Variants in TSPAN15 observed in about 807,000 individuals in gnomAD.
The protein encoded by TSPAN15 is tetraspanin 15.
In TSPAN15, 20 loss-of-function variants were observed where a neutral mutation model predicts 34.5. The observed-to-expected ratio is 0.58, with a 90% CI of 0.41 to 0.84. The LOEUF (loss-of-function observed/expected upper bound fraction) is 0.84. Among genes scored for constraint, TSPAN15 ranks in the 40% least tolerant of loss-of-function variants. The pLI, the probability that TSPAN15 is intolerant of heterozygous loss-of-function variation, is 0.00. For synonymous variants in TSPAN15, 155 were observed against 153.9 expected (o/e 1.01, Z -0.05); for missense variants, 313 against 386.1 (o/e 0.81, Z 1.59).
intron 1 of TSPAN15, among the ~76,000 whole-genome samples, chr10:69,460,365 C>T (rs1189952144): frequency 6.6e-6 from 1 of 152,180 alleles, no homozygotes; most frequent in Non-Finnish European, 1.5e-5. Context: ...TTGTTCAGCT[C>T]CAAGCTAGGC....
At chr10:69,546,667 A>G in the TSPAN15 span, among the ~76,000 whole-genome samples, 1 of 152,092 alleles carries the variant, frequency 6.6e-6, no homozygotes, top group Non-Finnish European at 1.5e-5. Context: ...CCCAACATCC[A>G]ATCACCAAGG....
At chr10:69,458,772 G>A (rs1033723096) in intron 1 of TSPAN15, among the ~76,000 whole-genome samples, 1 of 152,196 alleles carries the variant, frequency 6.6e-6, no homozygotes, top group African/African-American at 2.4e-5. Flanking sequence ...TTATAGATGA[G>A]CAAACTAAGG....
chr10:69,528,078 T>C, the TSPAN15 span, among the ~76,000 whole-genome samples: 2 of 147,840 alleles, frequency 1.4e-5, 1 homozygote, highest in Non-Finnish European at 3.0e-5. Flanking sequence ...TCCGCCCGGA[T>C]CCCATGCCTA....
Position 69,506,731 on chromosome 10 carries a change from C to A in TSPAN15, c.736-98C>A. 1 of 1,265,462 alleles carries A rather than the reference C, an allele frequency of 7.9e-7. No individual in the cohort carries two copies. Among genetic ancestry groups the A allele is most frequent in the Non-Finnish European group, 1.1e-6 (1 of 898,044 alleles). The allele number at this position is 1,265,462 out of a possible 1,614,324, so 78.4% of individuals were successfully genotyped here. On this transcript the variant is annotated intron_variant, in intron 7 of 7. Coordinates refer to ENST00000373290, the MANE Select transcript of TSPAN15 (RefSeq NM_012339.5). The surrounding 1 kb of genome is among the most constrained non-coding windows in gnomAD (Gnocchi z 4.7). ...CCCAGGTCACACAGGACCATGAGGGCTTGGGACTGGCTGCTTGGGTTTCTG... is the reference window on the plus strand; with the variant it reads ...CCCAGGTCACACAGGACCATGAGGGATTGGGACTGGCTGCTTGGGTTTCTG...
intron 1 of TSPAN15, among the ~76,000 whole-genome samples, chr10:69,453,901 A>G (rs1453346883): frequency 1.3e-5 from 2 of 152,042 alleles, no homozygotes; most frequent in African/African-American, 4.8e-5. Context: ...TTTCTGTTTA[A>G]AAGTCTCTAC....
intron 1 of TSPAN15, among the ~76,000 whole-genome samples, chr10:69,466,991 G>A (rs892265361): frequency 1.3e-5 from 2 of 152,184 alleles, no homozygotes; most frequent in African/African-American, 4.8e-5. Context: ...TCGCATCAGC[G>A]CCAGCCCTCT....
intron 5 of TSPAN15, among the ~76,000 whole-genome samples, chr10:69,501,726 A>G (rs1471972395): frequency 1.3e-5 from 2 of 152,180 alleles, no homozygotes; most frequent in African/African-American, 4.8e-5. Context: ...CCTCCAGGCC[A>G]TGAACCAGTA....
intron 1 of TSPAN15, among the ~76,000 whole-genome samples, chr10:69,479,600 G>A (rs1267390832): frequency 6.6e-6 from 1 of 152,262 alleles, no homozygotes; most frequent in Non-Finnish European, 1.5e-5. Context: ...CTAGAGCTGA[G>A]TGGCCGGCTG....
chr10:69,486,698 C>T (rs1199369725), intron 3 of TSPAN15, among the ~76,000 whole-genome samples: 1 of 152,200 alleles, frequency 6.6e-6, no homozygotes, highest in Admixed American at 6.5e-5. Flanking sequence ...AGGATCTGGC[C>T]CTGTGAAAAT....
chr10:69,493,070 C>T (rs1842002041), intron 3 of TSPAN15, among the ~76,000 whole-genome samples: 1 of 152,224 alleles, frequency 6.6e-6, no homozygotes, highest in Admixed American at 6.5e-5. Flanking sequence ...CAGACTGGCC[C>T]CACCCTGGTA....
At position 69,485,146 on chromosome 10, in the gene TSPAN15, G is replaced by A. The variant is rs767831961; in HGVS notation, c.288G>A (p.Met96Ile). Residue 96 changes from methionine (M) to isoleucine (I), a missense_variant, in exon 3 of 8, where the codon ATG (methionine) becomes ATA (isoleucine). By Grantham distance (10) the Met-to-Ile change is conservative. Transcript: ENST00000373290. ...CTCTGAATTCTGTTTTCCAGTTCAT[G>A]TACATCCTTGGGATCTGCCTCATCA... ...RDNLYLLQAF[M>I]YILGICLIME... 3.7e-6 allele frequency: 6 copies of A among 1,614,158 alleles called. No individual in the cohort carries two copies. In the South Asian group the frequency reaches 6.6e-5, roughly 18 times the overall value.
rs746130724 is a variant in TSPAN15 at position 69,504,418 on chromosome 10, A to G, written c.571-20A>G. On this transcript the variant is annotated intron_variant, in intron 5 of 7. Transcript: ENST00000373290. ...GTTAGAACCATTATAAATATTAGCT[A>G]TTATACATTTCCATTTCAGACAGAA... 4.3e-6 allele frequency: 7 copies of G among 1,609,666 alleles called. No homozygotes were observed. In the South Asian group the frequency reaches 4.4e-5, roughly 10 times the overall value.
At chr10:69,522,989 C>T in the TSPAN15 span, among the ~76,000 whole-genome samples, 1 of 147,880 alleles carries the variant, frequency 6.8e-6, no homozygotes, top group African/African-American at 2.5e-5. Context: ...CAGAAACCAT[C>T]ACCAAATCCA....
At chr10:69,486,186 G>T (rs80118685) in intron 3 of TSPAN15, among the ~76,000 whole-genome samples, 4,992 of 152,336 alleles carry the variant, frequency 0.033, 122 homozygotes, top group Non-Finnish European at 0.047. Context: ...CAAGAAGCTG[G>T]TGGTGGAGCA....
At position 69,507,074 on chromosome 10, in the gene TSPAN15, C is replaced by T. The variant is rs1842346311; in HGVS notation, c.*96C>T. On this transcript the variant is annotated 3_prime_UTR_variant, in exon 8 of 8. Transcript: ENST00000373290. ...TGGACAGGGCTGCGGCCCCTCTGCC[C>T]ACACTCAGTACTGACCAAAGCCAGG... 2 of 1,541,722 alleles carry T rather than the reference C, an allele frequency of 1.3e-6. No individual in the cohort carries two copies. Among genetic ancestry groups the T allele is most frequent in the South Asian group, 1.2e-5 (1 of 83,002 alleles).
intron 1 of TSPAN15, among the ~76,000 whole-genome samples, chr10:69,461,756 G>A (rs1370560338): frequency 8.0e-6 from 1 of 125,202 alleles, no homozygotes; most frequent in African/African-American, 2.7e-5. Context: ...CCTGGGTGCA[G>A]TAGGGTTGGG....
the TSPAN15 span, among the ~76,000 whole-genome samples, chr10:69,533,307 A>G: frequency 6.6e-6 from 1 of 152,320 alleles, no homozygotes; most frequent in Non-Finnish European, 1.5e-5. Flanking sequence ...ACTGTGATAT[A>G]TATATATATA....
At position 69,463,674 on chromosome 10, in the gene TSPAN15, G is replaced by A. The variant is rs189331327; in HGVS notation, c.96+11984G>A. Among the ~76,000 whole-genome samples, 316 of 152,244 alleles carry A rather than the reference G, an allele frequency of 2.1e-3. 1 individual carries two copies. Among genetic ancestry groups the A allele is most frequent in the African/African-American group, 7.1e-3 (295 of 41,540 alleles). On this transcript the variant is annotated intron_variant, in intron 1 of 7. Coordinates refer to ENST00000373290, the MANE Select transcript of TSPAN15 (RefSeq NM_012339.5). ...AAAATACAAAAATTAGCCGGGCATA[G>A]TGGCACATGCCTATAATCCCAGTTA...
At chr10:69,466,032 G>T (rs1363269229) in intron 1 of TSPAN15, among the ~76,000 whole-genome samples, 2 of 152,234 alleles carry the variant, frequency 1.3e-5, no homozygotes, top group Non-Finnish European at 2.9e-5. Context: ...ACCTTGTGTG[G>T]GGATAGAGGG....
Sources: gnomAD v4.1 joint callset for allele counts (sites outside exome capture counted in the v4.1 genomes callset) on GRCh38, gnomAD v4.1.1 for gene constraint, Gnocchi (gnomAD v3.1) non-coding constraint, MANE v1.5 for transcripts, NCBI Gene and HGNC (gene_info 2026-07-23, HGNC 2026-07-21) for gene names.